CCDC18: variants seen among roughly 807,000 people sequenced by gnomAD.
CCDC18 encodes coiled-coil domain containing 18.
In CCDC18, 157 loss-of-function variants were observed where a neutral mutation model predicts 196.0. The ratio of observed to expected loss-of-function variants is 0.80; its 90% CI spans 0.70 to 0.91. The LOEUF (loss-of-function observed/expected upper bound fraction) is 0.91, where lower values mean the gene tolerates loss of function less well. Ranked by LOEUF, CCDC18 falls within the 40% of genes least tolerant of loss-of-function variation. CCDC18 has a pLI of 0.00. For synonymous variants in CCDC18, 482 were observed against 529.2 expected, an observed-to-expected ratio of 0.91 and a Z score of 1.22; for missense variants, 1,465 against 1,611.6, an observed-to-expected ratio of 0.91 and a Z score of 1.56.
intron 19 of CCDC18, among the ~76,000 whole-genome samples, chr1:93,238,236 G>A (rs1416727803): frequency 6.6e-6 from 1 of 152,104 alleles, no homozygotes; most frequent in African/African-American, 2.4e-5. Flanking sequence ...AATTGGTCAA[G>A]CTAAAAATTA....
intron 23 of CCDC18, among the ~76,000 whole-genome samples, chr1:93,248,455 T>A (rs887563528): frequency 1.3e-5 from 2 of 152,264 alleles, no homozygotes; most frequent in African/African-American, 4.8e-5. Context: ...GTTGATGTAA[T>A]GTATCATGTT....
chr1:93,259,198 A>C (rs374208214), intron 26 of CCDC18, among the ~76,000 whole-genome samples: 1 of 152,192 alleles, frequency 6.6e-6, no homozygotes, highest in Non-Finnish European at 1.5e-5. Context: ...GGTGAATATT[A>C]AATGAATTAA....
chr1:93,239,350 T>C lies in CCDC18; in HGVS notation c.2644T>C (p.Ser882Pro). 6.2e-7 allele frequency: 1 copy of C among 1,613,158 alleles called. No homozygotes were observed. The highest frequency in any genetic ancestry group is 1.3e-5 in the African/African-American group (1 of 75,000). The change falls in exon 20 of 29, where the codon TCT (serine) becomes CCT (proline). Residue 882 changes from serine (S) to proline (P), a missense_variant. Transcript: ENST00000690025. ...IEMDQYKEEL[S>P]KMEKEIMHLK... ...GATGGATCAGTACAAAGAAGAGCTG[T>C]CTAAAATGGAAAAGGAAATAATGCA...
At chr1:93,220,840 CTCA>C (rs1162484849) in intron 14 of CCDC18, among the ~76,000 whole-genome samples, 1 of 152,132 alleles carries the variant, frequency 6.6e-6, no homozygotes, top group Non-Finnish European at 1.5e-5. Context: ...TTCGTGTGTT[CTCA>C]TCATTCAGCT....
chr1:93,214,684 T>A, intron 11 of CCDC18, 59 bp from the exon 12 acceptor site: 1 of 1,192,942 alleles, frequency 8.4e-7, no homozygotes, highest in Non-Finnish European at 1.2e-6. Context: ...TTCAACTATT[T>A]AAGTAGGTTT....
At chr1:93,220,017 C>A (rs896801144) in intron 14 of CCDC18, among the ~76,000 whole-genome samples, 1 of 152,016 alleles carries the variant, frequency 6.6e-6, no homozygotes, top group African/African-American at 2.4e-5. Flanking sequence ...GGAATAATGT[C>A]TGAAAACTTC....
intron 26 of CCDC18, among the ~76,000 whole-genome samples, chr1:93,260,342 C>A (rs905911276): frequency 2.0e-5 from 3 of 152,124 alleles, no homozygotes; most frequent in Non-Finnish European, 4.4e-5. Context: ...CAAGATCGCG[C>A]CATTGCAGTC....
intron 27 of CCDC18, 96 bp downstream of exon 27, chr1:93,264,997 C>A (rs1180181185): frequency 1.3e-6 from 1 of 773,180 alleles, no homozygotes; most frequent in Non-Finnish European, 2.2e-6. Flanking sequence ...ACTATATGAC[C>A]AAATATTGGC....
At chr1:93,229,866 A>T (rs1658968011) in intron 17 of CCDC18, among the ~76,000 whole-genome samples, 1 of 152,196 alleles carries the variant, frequency 6.6e-6, no homozygotes, top group Admixed American at 6.5e-5. Flanking sequence ...AACTCAATAC[A>T]AAGTAGATGC....
upstream of CCDC18, chr1:93,180,141 G>A (rs1649272608): frequency 6.2e-7 from 1 of 1,613,524 alleles, no homozygotes; most frequent in Non-Finnish European, 8.5e-7. Context: ...AGGTGAAGTC[G>A]CTATCGAGGG....
intron 27 of CCDC18, among the ~76,000 whole-genome samples, chr1:93,266,970 G>C (rs28829343): frequency 6.6e-6 from 1 of 152,120 alleles, no homozygotes; most frequent in Admixed American, 6.5e-5. Context: ...CTGATACCAA[G>C]GCCTGGCAGA....
chr1:93,213,303 T>G (rs1050919434), intron 11 of CCDC18, among the ~76,000 whole-genome samples: 4 of 152,160 alleles, frequency 2.6e-5, no homozygotes, highest in Admixed American at 1.3e-4. Context: ...GGTGTTTGTG[T>G]TTTAATGTTT....
chr1:93,200,434 A>T (rs1181668545), intron 6 of CCDC18, among the ~76,000 whole-genome samples: 2 of 152,150 alleles, frequency 1.3e-5, no homozygotes, highest in East Asian at 3.8e-4. Flanking sequence ...TGAGGCCAGG[A>T]ATTCAAGACC....
At chr1:93,212,324 A>T in intron 11 of CCDC18, 63 bp downstream of exon 11, 1 of 1,167,500 alleles carries the variant, frequency 8.6e-7, no homozygotes, top group Non-Finnish European at 1.2e-6. Flanking sequence ...TTTTTTTTTA[A>T]AAAAACTTTT....
intron 11 of CCDC18, 54 bp from the exon 12 acceptor site, chr1:93,214,689 A>C: frequency 8.2e-7 from 1 of 1,226,498 alleles, no homozygotes; most frequent in Non-Finnish European, 1.2e-6. Context: ...CTATTTAAGT[A>C]GGTTTTTATT....
intron 25 of CCDC18, among the ~76,000 whole-genome samples, 200 bp from the exon 26 acceptor site, chr1:93,258,548 A>C (rs1192936516): frequency 6.6e-6 from 1 of 152,172 alleles, no homozygotes; most frequent in African/African-American, 2.4e-5. Context: ...TGATGACAGC[A>C]AACAATTATA....
Position 93,210,844 on chromosome 1 carries a change from T to TACCAGATG in CCDC18, c.1254_1261dup (p.Ser421ThrfsTer3). 1 of 1,608,516 alleles carries TACCAGATG rather than the reference T, an allele frequency of 6.2e-7. No individual in the cohort carries two copies. Among genetic ancestry groups the TACCAGATG allele is most frequent in the Non-Finnish European group, 8.5e-7 (1 of 1,174,916 alleles). ...TGGCTTTAAATCATATCTTTCTAAA[T>TACCAGATG]ACCAGATGAGTAGCTTCTCAAACAA... On this transcript the variant is annotated frameshift_variant, in exon 10 of 29. Transcript: ENST00000690025. LOFTEE classifies it high-confidence loss of function.
Position 93,192,045 on chromosome 1 carries a change from A to G in CCDC18, c.508A>G (p.Ile170Val), listed in dbSNP as rs1001000291. The stretch of plus-strand genomic sequence containing the variant: ...TCAACAGCAGGCAGCCAGTGTCCCA[A>G]TCTTAGAAGAACAGATTATAAATTT... ...SAQQQAASVP[I>V]LEEQIINLEA... The change falls in exon 5 of 29, where the codon ATC (isoleucine) becomes GTC (valine). Residue 170 changes from isoleucine to valine, a missense_variant. Transcript: ENST00000690025. 4 of 1,613,890 alleles carry G rather than the reference A, an allele frequency of 2.5e-6. No homozygotes were observed. The highest frequency in any genetic ancestry group is 2.2e-5 in the East Asian group (1 of 44,872).
chr1:93,186,373 A>G lies in CCDC18; in HGVS notation c.332A>G (p.Gln111Arg). The change falls in exon 4 of 29, where the codon CAG (glutamine) becomes CGG (arginine). Residue 111 changes from glutamine (Q) to arginine (R), a missense_variant. Physicochemically the swap from Gln to Arg is conservative, Grantham distance 43. Coordinates refer to ENST00000690025, the MANE Select transcript of CCDC18 (RefSeq NM_001378204.1). ...TTTTCATCTTCTGCCCCTGTGGATC[A>G]GGAGATTAAAAGCCTTCGAGAGAAA... is the stretch of plus-strand genomic sequence containing the variant. The part of the protein sequence containing the change: ...KMFSSSAPVD[Q>R]EIKSLREKLN... 6.2e-7 allele frequency: 1 copy of G among 1,611,920 alleles called. No homozygotes were observed.
Sources: allele counts gnomAD v4.1 joint callset (sites outside exome capture counted in the v4.1 genomes callset), GRCh38; gene constraint gnomAD v4.1.1; transcripts MANE v1.5; gene names NCBI Gene and HGNC (gene_info 2026-07-23, HGNC 2026-07-21).